TSPEAR: variants seen among roughly 807,000 people sequenced by gnomAD.
The protein encoded by TSPEAR is thrombospondin-type laminin G domain and EAR repeat-containing protein.
A neutral mutation model predicts 71.6 loss-of-function variants in TSPEAR; 69 were observed. The ratio of observed to expected loss-of-function variants is 0.96; its 90% CI spans 0.79 to 1.18. The LOEUF is 1.18. Among genes scored for constraint, TSPEAR ranks in the 50% most tolerant of loss-of-function variants. TSPEAR has a pLI of 0.00. For synonymous variants in TSPEAR, 402 were observed against 387.2 expected, an observed-to-expected ratio of 1.04 and a Z score of -0.45; for missense variants, 971 against 894.9, an observed-to-expected ratio of 1.09 and a Z score of -1.09.
intron 1 of TSPEAR, chr21:44,654,313 TAGA>T: frequency 3.1e-6 from 5 of 1,613,948 alleles, no homozygotes; most frequent in Non-Finnish European, 4.2e-6. Flanking sequence ...GACAGGTCTA[TAGA>T]CCAGGGTGGG....
At chr21:44,516,857 G>C (rs186904036) in intron 9 of TSPEAR, among the ~76,000 whole-genome samples, 1 of 151,950 alleles carries the variant, frequency 6.6e-6, no homozygotes, top group Non-Finnish European at 1.5e-5. Context: ...CCCCTCCTGG[G>C]TATGGCCCTC....
In TSPEAR at chr21:44,552,105, G is replaced by T. The variant is rs587599491; in HGVS notation, c.303+15680C>A. 2.0e-5 allele frequency among the ~76,000 whole-genome samples: 3 copies of T among 152,340 alleles called. No individual in the cohort carries two copies. In the South Asian group the frequency reaches 6.2e-4, roughly 32 times the overall value. ...GCTCATTAGGAGGACAAGGTTTGGG[G>T]ACTGGCCTTTGGGTCTGGACTGTTG... On this transcript the variant is annotated intron_variant, in intron 2 of 11. Transcript: ENST00000323084.
intron 1 of TSPEAR, among the ~76,000 whole-genome samples, chr21:44,659,505 C>T (rs587685573): frequency 3.9e-5 from 6 of 152,230 alleles, no homozygotes; most frequent in South Asian, 2.1e-4. Flanking sequence ...GGAAAAGAGA[C>T]GCACGCATTT....
chr21:44,704,421 G>C (rs1987808873), intron 1 of TSPEAR, among the ~76,000 whole-genome samples: 1 of 152,308 alleles, frequency 6.6e-6, no homozygotes, highest in African/African-American at 2.4e-5. Context: ...CCAACCCCCA[G>C]GGAACCCAAA....
In TSPEAR at chr21:44,529,668, C is replaced by G. The variant is rs587663240; in HGVS notation, c.790+130G>C. 8.5e-5 allele frequency: 89 copies of G among 1,048,408 alleles called. 2 individuals are homozygous for G. The African/African-American group carries it at 1.4e-3, about 16-fold the overall frequency. The allele number at this position is 1,048,408 out of a possible 1,614,324, so 64.9% of individuals were successfully genotyped here. A position where few individuals can be genotyped will look rare whatever the true frequency, so the allele number is the denominator to read the frequency against. ...CCCCCTGGCCAATATGACCGCTGCC[C>G]CCCGTAGCAGTGATGAGGGGGGCAG... On this transcript the variant is annotated intron_variant, in intron 5 of 11. Transcript: ENST00000323084.
Position 44,603,135 on chromosome 21 carries a change from A to G in TSPEAR, c.83-35130T>C, listed in dbSNP as rs115790144. 8.2e-3 allele frequency among the ~76,000 whole-genome samples: 1,246 copies of G among 152,178 alleles called. 19 individuals carry two copies. The highest frequency in any genetic ancestry group is 0.028 in the African/African-American group (1,177 of 41,524). ...GGAGCAGAGCCGACCTGCGCCTGCA[A>G]CGAGCTGTCCCTCCCCTGTGGTGGC... On this transcript the variant is annotated intron_variant, in intron 1 of 11. Transcript: ENST00000323084.
At chr21:44,682,213 T>C in intron 1 of TSPEAR, 1 of 1,453,558 alleles carries the variant, frequency 6.9e-7, no homozygotes, top group Non-Finnish European at 9.4e-7. Context: ...GACCCAGGCA[T>C]CCCCACAGCA....
At chr21:44,618,952 C>G (rs1420959726) in intron 1 of TSPEAR, among the ~76,000 whole-genome samples, 2 of 152,182 alleles carry the variant, frequency 1.3e-5, no homozygotes, top group African/African-American at 4.8e-5. Flanking sequence ...TTAGAAGGTT[C>G]CACATATTTT....
At chr21:44,511,369 CACAT>C (rs1227720408) in intron 9 of TSPEAR, among the ~76,000 whole-genome samples, 11 of 150,370 alleles carry the variant, frequency 7.3e-5, no homozygotes, top group South Asian at 6.2e-4. Flanking sequence ...TGTACACACA[CACAT>C]ATATGCTTAC....
intron 1 of TSPEAR, among the ~76,000 whole-genome samples, chr21:44,673,388 G>A (rs372892749): frequency 6.6e-6 from 1 of 152,158 alleles, no homozygotes; most frequent in East Asian, 1.9e-4. Context: ...CAGCCATACA[G>A]GAAATTCTTA....
intron 2 of TSPEAR, chr21:44,540,175 G>A (rs781883378): frequency 1.2e-6 from 2 of 1,605,404 alleles, no homozygotes; most frequent in African/African-American, 1.3e-5. Context: ...GAGGTGAGCT[G>A]CGGGAGGTGT....
At chr21:44,678,290 A>G (rs370078666) in intron 1 of TSPEAR, among the ~76,000 whole-genome samples, 1 of 151,876 alleles carries the variant, frequency 6.6e-6, no homozygotes, top group African/African-American at 2.4e-5. Context: ...CATGAGGGCC[A>G]TTTCTCATGA....
At chr21:44,598,984 C>G (rs1307709083) in intron 1 of TSPEAR, among the ~76,000 whole-genome samples, 2 of 152,178 alleles carry the variant, frequency 1.3e-5, no homozygotes, top group Non-Finnish European at 2.9e-5. Flanking sequence ...AGATGTCATT[C>G]TATTACCTTT....
At chr21:44,505,762 A>G (rs1303832137) in intron 10 of TSPEAR, among the ~76,000 whole-genome samples, 4 of 151,910 alleles carry the variant, frequency 2.6e-5, no homozygotes, top group African/African-American at 9.7e-5. Context: ...TCTAAGGCCG[A>G]GTAACGCTCC....
At chr21:44,681,959 GCACA>G (rs782233586) in intron 1 of TSPEAR, 30 of 1,613,780 alleles carry the variant, frequency 1.9e-5, no homozygotes, top group African/African-American at 2.7e-5. Context: ...TCACGGGCAC[GCACA>G]CAGAGGACTG....
chr21:44,704,917 C>G (rs1262998498), intron 1 of TSPEAR, among the ~76,000 whole-genome samples: 2 of 152,144 alleles, frequency 1.3e-5, no homozygotes, highest in African/African-American at 4.8e-5. Context: ...TGGCTGCCCG[C>G]CCCGCCCAGA....
At chr21:44,525,451 T>C (rs782094211) in intron 8 of TSPEAR, among the ~76,000 whole-genome samples, 8 of 152,172 alleles carry the variant, frequency 5.3e-5, no homozygotes, top group Non-Finnish European at 8.8e-5. Context: ...GTTTCTGGGG[T>C]GGCTGTGCTG....
chr21:44,540,116 G>C (rs782238373), intron 2 of TSPEAR: 1 of 1,613,842 alleles, frequency 6.2e-7, no homozygotes, highest in East Asian at 2.2e-5. Flanking sequence ...GTCGGAGCAA[G>C]CGCTGGAGCA....
rs116872980 is a variant in TSPEAR at position 44,539,397 on chromosome 21, A to G, written c.304-5474T>C. 6.3e-4 allele frequency: 1,013 copies of G among 1,601,828 alleles called. 12 individuals are homozygous for G. The East Asian group carries it at 0.017, about 27-fold the overall frequency. On this transcript the variant is annotated intron_variant, in intron 2 of 11. Coordinates refer to ENST00000323084, the MANE Select transcript of TSPEAR (RefSeq NM_144991.3). ...GCCTGGCAGGAGGAGGCAGGGGCACAGCAGGAGGAGACAGGCATACAGCAG... is the reference window on the plus strand; with the variant it reads ...GCCTGGCAGGAGGAGGCAGGGGCACGGCAGGAGGAGACAGGCATACAGCAG...
Sources: allele counts gnomAD v4.1 joint callset (sites outside exome capture counted in the v4.1 genomes callset), GRCh38; gene constraint gnomAD v4.1.1; transcripts MANE v1.5; gene names NCBI Gene and HGNC (gene_info 2026-07-23, HGNC 2026-07-21).